EXOC6B: variants seen among roughly 807,000 people sequenced by gnomAD.
EXOC6B encodes the protein exocyst complex component 6B, also known as SEC15 homolog B.
A neutral mutation model predicts 113.5 loss-of-function variants in EXOC6B; 54 were observed. The observed-to-expected ratio is 0.48, with a 90% CI of 0.38 to 0.60. The LOEUF is 0.60. EXOC6B is among the 20% of genes least tolerant of loss of function. EXOC6B has a pLI of 0.00. For missense variants in EXOC6B, 797 were observed against 977.5 expected (o/e 0.82, Z 2.46); for synonymous variants, 357 against 339.0 (o/e 1.05, Z -0.58).
intron 6 of EXOC6B, among the ~76,000 whole-genome samples, chr2:72,583,941 C>A (rs1209261281): frequency 1.3e-5 from 2 of 152,062 alleles, no homozygotes; most frequent in African/African-American, 4.8e-5. Flanking sequence ...AGGCTGGACT[C>A]AAACTCCTGA....
chr2:72,690,695 G>A (rs1406064546), intron 6 of EXOC6B, among the ~76,000 whole-genome samples: 2 of 152,140 alleles, frequency 1.3e-5, no homozygotes, highest in Non-Finnish European at 2.9e-5. Context: ...TGAAGTATAG[G>A]CTTTCTTACA....
chr2:72,733,238 T>C (rs1265087986), intron 2 of EXOC6B, 120 bp from the exon 3 acceptor site: 7 of 709,262 alleles, frequency 9.9e-6, no homozygotes, highest in South Asian at 1.6e-5. Flanking sequence ...AGTACTCCAC[T>C]ACATATTGGT....
chr2:72,272,735 G>C (rs548428021), intron 20 of EXOC6B, among the ~76,000 whole-genome samples: 1 of 152,180 alleles, frequency 6.6e-6, no homozygotes, highest in East Asian at 1.9e-4. Context: ...GTTGGCTGAC[G>C]GGGGAGCCCT....
At chr2:72,575,172 C>T (rs1468004192) in intron 7 of EXOC6B, among the ~76,000 whole-genome samples, 3 of 152,114 alleles carry the variant, frequency 2.0e-5, no homozygotes, top group Non-Finnish European at 4.4e-5. Flanking sequence ...GCCGAGGTCA[C>T]CTAGACCTCC....
At chr2:72,312,210 A>T (rs1231062850) in intron 20 of EXOC6B, among the ~76,000 whole-genome samples, 1 of 152,128 alleles carries the variant, frequency 6.6e-6, no homozygotes, top group East Asian at 1.9e-4. Context: ...AGCTTGCAAC[A>T]TCTAGATGGT....
At chr2:72,207,881 G>C (rs1334920674) in intron 20 of EXOC6B, among the ~76,000 whole-genome samples, 2 of 152,040 alleles carry the variant, frequency 1.3e-5, no homozygotes, top group Non-Finnish European at 2.9e-5. Flanking sequence ...GAAAATCCCT[G>C]GAACACCTTA....
At chr2:72,651,659 G>C (rs763988424) in intron 6 of EXOC6B, among the ~76,000 whole-genome samples, 2 of 151,992 alleles carry the variant, frequency 1.3e-5, no homozygotes, top group African/African-American at 4.8e-5. Flanking sequence ...TCCCTCTATC[G>C]CCCAGGCTGG....
chr2:72,246,184 C>T (rs951220067), intron 20 of EXOC6B, among the ~76,000 whole-genome samples: 1 of 152,142 alleles, frequency 6.6e-6, no homozygotes. Context: ...CCACCATGTC[C>T]AGCCTTGTGT....
intron 17 of EXOC6B, among the ~76,000 whole-genome samples, chr2:72,477,650 T>C (rs534187009): frequency 3.3e-5 from 5 of 152,374 alleles, no homozygotes; most frequent in African/African-American, 1.2e-4. Flanking sequence ...CAGAATACAA[T>C]GTACAGTATT....
chr2:72,695,466 G>C (rs1399581817), intron 6 of EXOC6B, among the ~76,000 whole-genome samples: 2 of 152,086 alleles, frequency 1.3e-5, no homozygotes, highest in Admixed American at 1.3e-4. Context: ...ATATATGAAA[G>C]TATTCTTTAA....
chr2:72,805,600 G>A (rs10187814), intron 1 of EXOC6B, among the ~76,000 whole-genome samples: 9,981 of 152,102 alleles, frequency 0.066, 1,121 homozygotes, highest in African/African-American at 0.23. Flanking sequence ...CAAGGTAATT[G>A]GCATATCTGT....
intron 1 of EXOC6B, among the ~76,000 whole-genome samples, chr2:72,810,455 C>T (rs567083810): frequency 6.6e-6 from 1 of 151,246 alleles, no homozygotes; most frequent in African/African-American, 2.4e-5. Context: ...TAAAGCAATG[C>T]TTGAAGGAAA....
At chr2:72,317,214 T>C (rs1687571177) in intron 20 of EXOC6B, among the ~76,000 whole-genome samples, 1 of 151,554 alleles carries the variant, frequency 6.6e-6, no homozygotes, top group Admixed American at 6.6e-5. Context: ...AAGTCATCAA[T>C]AGCAAGGGCA....
rs141208363 is a variant in EXOC6B, at chr2:72,357,586, G to A, written c.2122+22143C>T. Among the ~76,000 whole-genome samples, 995 of 152,188 alleles carry A rather than the reference G, an allele frequency of 6.5e-3. 9 individuals are homozygous for A. The highest frequency in any genetic ancestry group is 0.022 in the African/African-American group (927 of 41,524). On this transcript the variant is annotated intron_variant, in intron 19 of 21. Coordinates refer to ENST00000272427, the MANE Select transcript of EXOC6B (RefSeq NM_015189.3). Reference sequence around the variant, plus strand: ...GCACACTTGTAATCCCAGCTACTTAGGAGGCTGAAGCAGAAGGATCATTAA... The same window carrying A: ...GCACACTTGTAATCCCAGCTACTTAAGAGGCTGAAGCAGAAGGATCATTAA...
chr2:72,820,405 T>C (rs1336084378), intron 1 of EXOC6B, among the ~76,000 whole-genome samples: 1 of 152,184 alleles, frequency 6.6e-6, no homozygotes, highest in Admixed American at 6.5e-5. Context: ...GTATCATTAA[T>C]ATACTTTATG....
At chr2:72,818,466 T>C (rs1291597488) in intron 1 of EXOC6B, among the ~76,000 whole-genome samples, 1 of 151,988 alleles carries the variant, frequency 6.6e-6, no homozygotes, top group Non-Finnish European at 1.5e-5. Context: ...AGGCCATTTT[T>C]GTATTTTTAG....
At chr2:72,477,029 T>C (rs1485909553) in intron 17 of EXOC6B, among the ~76,000 whole-genome samples, 1 of 152,178 alleles carries the variant, frequency 6.6e-6, no homozygotes, top group Non-Finnish European at 1.5e-5. Flanking sequence ...AATTCTCCTC[T>C]GTTGAGCCTG....
At chr2:72,225,091 A>G (rs1315994800) in intron 20 of EXOC6B, among the ~76,000 whole-genome samples, 1 of 149,566 alleles carries the variant, frequency 6.7e-6, no homozygotes, top group Non-Finnish European at 1.5e-5. Flanking sequence ...GGCTGAAGTG[A>G]TGCATCCACT....
At chr2:72,407,754 T>C (rs1430077580) in intron 18 of EXOC6B, among the ~76,000 whole-genome samples, 1 of 152,100 alleles carries the variant, frequency 6.6e-6, no homozygotes, top group Admixed American at 6.5e-5. Flanking sequence ...CCACAGCCAA[T>C]ATCATACTGA....
Sources: allele counts gnomAD v4.1 joint callset (sites outside exome capture counted in the v4.1 genomes callset), GRCh38; gene constraint gnomAD v4.1.1; transcripts MANE v1.5; gene names NCBI Gene and HGNC (gene_info 2026-07-23, HGNC 2026-07-21).